USP4: variants seen among roughly 807,000 people sequenced by gnomAD.
The protein encoded by USP4 is ubiquitin specific peptidase 4, also known as ubiquitin carboxyl-terminal hydrolase 4.
Under a neutral mutation model 118.2 loss-of-function variants are expected in USP4, and 72 were observed. The ratio of observed to expected loss-of-function variants is 0.61; its 90% CI spans 0.50 to 0.74. USP4 has a LOEUF of 0.74. Ranked by LOEUF, USP4 falls within the 30% of genes least tolerant of loss-of-function variation. The pLI is 0.00. For synonymous variants in USP4, 415 were observed against 440.4 expected, an observed-to-expected ratio of 0.94 and a Z score of 0.72; for missense variants, 1,037 against 1,185.7, an observed-to-expected ratio of 0.87 and a Z score of 1.84.
At chr3:49,326,886 G>C (rs1439572064) in intron 3 of USP4, among the ~76,000 whole-genome samples, 1 of 150,876 alleles carries the variant, frequency 6.6e-6, no homozygotes, top group African/African-American at 2.4e-5. Context: ...ATTTTTAGCA[G>C]AGACGAGGTT....
chr3:49,297,653 GGA>G (rs1340109976), intron 13 of USP4, among the ~76,000 whole-genome samples: 6 of 152,168 alleles, frequency 3.9e-5, no homozygotes, highest in African/African-American at 1.2e-4. Context: ...GCTGTGCTGA[GGA>G]GAGTTATCAG....
intron 1 of USP4, among the ~76,000 whole-genome samples, chr3:49,338,080 C>T (rs1275548619): frequency 4.4e-5 from 6 of 135,160 alleles, no homozygotes; most frequent in African/African-American, 1.6e-4. Context: ...AAAAGTATCT[C>T]TATGCTGTTT....
At chr3:49,291,582 A>G (rs1422685645) in intron 15 of USP4, among the ~76,000 whole-genome samples, 1 of 151,510 alleles carries the variant, frequency 6.6e-6, no homozygotes, top group Non-Finnish European at 1.5e-5. Context: ...TCAAAAAAAA[A>G]AAAAAAAAGA....
chr3:49,328,172 A>G (rs1024720999), intron 2 of USP4, among the ~76,000 whole-genome samples: 7 of 152,088 alleles, frequency 4.6e-5, no homozygotes, highest in Non-Finnish European at 7.4e-5. Flanking sequence ...AGCCTGGCCA[A>G]CATGGTGAAA....
intron 2 of USP4, 37 bp downstream of exon 2, chr3:49,335,432 G>A (rs780133520): frequency 1.7e-5 from 28 of 1,613,932 alleles, no homozygotes; most frequent in Non-Finnish European, 2.3e-5. Flanking sequence ...CCACTGCCCA[G>A]GTGAATGTTT....
In USP4 at chr3:49,286,334, TA is replaced by T; in HGVS notation, c.1973-10del. 6.2e-7 allele frequency: 1 copy of T among 1,613,434 alleles called. No homozygotes were observed. The highest frequency in any genetic ancestry group is 1.1e-5 in the South Asian group (1 of 91,068). On this transcript the variant is annotated splice_polypyrimidine_tract_variant and intron_variant, in intron 15 of 21. Transcript: ENST00000265560. ...TTCTTCCTCATCTTCTCCTGGCACA[TA>T]AATGGAAAACAATATGTATATAATT...
chr3:49,293,465 A>AAAACAAAC (rs145413345), intron 14 of USP4: 1 of 154,494 alleles, frequency 6.5e-6, no homozygotes, highest in East Asian at 1.9e-4. Context: ...CCATCTCAAA[A>AAAACAAAC]AAACAAACAA....
chr3:49,316,813 C>A (rs972085829), intron 6 of USP4: 2 of 522,064 alleles, frequency 3.8e-6, no homozygotes, highest in Non-Finnish European at 6.9e-6. Flanking sequence ...ACCTCCCTGG[C>A]AGCCCAGGAG....
In USP4 at chr3:49,284,708, T is replaced by C. The variant is rs1575600566; in HGVS notation, c.2272-124A>G. Reference sequence around the variant, plus strand: ...CTTTCTAGAGCCTCTGAATATAAAATGACAAAATCTTGAAGTGCTTTTCCT... The same window carrying C: ...CTTTCTAGAGCCTCTGAATATAAAACGACAAAATCTTGAAGTGCTTTTCCT... On this transcript the variant is annotated intron_variant, in intron 17 of 21. Transcript: ENST00000265560. 5 of 1,244,438 alleles carry C rather than the reference T, an allele frequency of 4.0e-6. No homozygotes were observed. In the East Asian group the frequency reaches 7.0e-5, roughly 17 times the overall value. The allele number at this position is 1,244,438 out of a possible 1,614,324, so 77.1% of individuals were successfully genotyped here.
chr3:49,302,237 C>A (rs190007970), intron 10 of USP4, 147 bp downstream of exon 10: 2 of 760,218 alleles, frequency 2.6e-6, no homozygotes, highest in Admixed American at 6.3e-5. Flanking sequence ...CCCTTTCTGA[C>A]CAGAGACCAT....
intron 13 of USP4, among the ~76,000 whole-genome samples, chr3:49,297,175 G>C (rs3774799): frequency 0.57 from 86,394 of 152,048 alleles, 25,636 homozygotes; most frequent in East Asian, 0.95. Context: ...GGACAGTACG[G>C]CTGTGCTCCA....
chr3:49,327,597 T>C (rs2047570121), intron 3 of USP4, 89 bp downstream of exon 3: 2 of 1,439,106 alleles, frequency 1.4e-6, no homozygotes, highest in African/African-American at 2.8e-5. Flanking sequence ...CACTGAGGTA[T>C]GTTCATTTTC....
intron 8 of USP4, among the ~76,000 whole-genome samples, chr3:49,307,788 A>C (rs1479669263): frequency 1.3e-5 from 2 of 149,306 alleles, no homozygotes. Flanking sequence ...CCACAAAACA[A>C]AACAAAACAA....
chr3:49,331,342 T>C (rs529225852), intron 2 of USP4, among the ~76,000 whole-genome samples: 3 of 149,544 alleles, frequency 2.0e-5, no homozygotes, highest in African/African-American at 7.4e-5. Context: ...ATCGGTAAAC[T>C]TGTTGTGGTG....
intron 19 of USP4, 146 bp from the exon 20 acceptor site, chr3:49,280,993 C>T: frequency 1.6e-6 from 1 of 625,442 alleles, no homozygotes; most frequent in Non-Finnish European, 2.8e-6. Context: ...GGAAGGGACT[C>T]TAGGATCCAT....
chr3:49,316,105 G>A (rs2047432472), intron 6 of USP4, among the ~76,000 whole-genome samples: 1 of 151,890 alleles, frequency 6.6e-6, no homozygotes, highest in Non-Finnish European at 1.5e-5. Flanking sequence ...CAGAGGCTGA[G>A]GCAGGAGAAT....
chr3:49,311,306 AC>A (rs1446234072), intron 7 of USP4, among the ~76,000 whole-genome samples: 1 of 152,206 alleles, frequency 6.6e-6, no homozygotes, highest in South Asian at 2.1e-4. Context: ...TGGGGAAAAC[AC>A]CAGCTCACAG....
chr3:49,297,307 T>C (rs2047220395), intron 13 of USP4, among the ~76,000 whole-genome samples: 1 of 152,156 alleles, frequency 6.6e-6, no homozygotes, highest in Admixed American at 6.6e-5. Flanking sequence ...AGAGCAGCCA[T>C]GAAGCAGCAT....
At chr3:49,288,546 G>A (rs541460642) in intron 15 of USP4, among the ~76,000 whole-genome samples, 1 of 152,206 alleles carries the variant, frequency 6.6e-6, no homozygotes, top group South Asian at 2.1e-4. Flanking sequence ...ATGGTGTCAG[G>A]TGCCTGTAAT....
Sources: allele counts gnomAD v4.1 joint callset (sites outside exome capture counted in the v4.1 genomes callset), GRCh38; gene constraint gnomAD v4.1.1; transcripts MANE v1.5; gene names NCBI Gene and HGNC (gene_info 2026-07-23, HGNC 2026-07-21).